TRAF3IP1: variants seen among roughly 807,000 people sequenced by gnomAD.
TRAF3IP1 encodes the protein TRAF3-interacting protein 1.
A neutral mutation model predicts 89.9 loss-of-function variants in TRAF3IP1; 53 were observed. That is an observed-to-expected ratio of 0.59 (90% confidence interval 0.47 to 0.74). TRAF3IP1 has a LOEUF of 0.74. Among genes scored for constraint, TRAF3IP1 ranks in the 30% least tolerant of loss-of-function variants. TRAF3IP1 has a pLI of 0.00. For missense variants in TRAF3IP1, 806 were observed against 866.1 expected (o/e 0.93, Z 0.87); for synonymous variants, 311 against 322.1 (o/e 0.97, Z 0.37).
chr2:238,333,593 A>T (rs1421476617), intron 6 of TRAF3IP1, among the ~76,000 whole-genome samples: 1 of 152,210 alleles, frequency 6.6e-6, no homozygotes, highest in African/African-American at 2.4e-5. Context: ...AAATATATGT[A>T]AATTTTTACC....
At chr2:238,348,915 T>C (rs1699020850) in intron 11 of TRAF3IP1, 67 bp downstream of exon 11, 1 of 1,348,774 alleles carries the variant, frequency 7.4e-7, no homozygotes, top group Non-Finnish European at 1.1e-6. Context: ...TGTGCTTCTC[T>C]TTCTGGCTGC....
chr2:238,320,768 C>T lies in TRAF3IP1; in HGVS notation c.106C>T (p.His36Tyr). The T allele has an allele frequency of 7.0e-7, 1 of 1,427,734 alleles. No homozygotes were observed. Among genetic ancestry groups the T allele is most frequent in the Non-Finnish European group, 9.3e-7 (1 of 1,076,888 alleles). The allele number at this position is 1,427,734 out of a possible 1,614,324, so 88.4% of individuals were successfully genotyped here. ...GAGCAAGCCCCCGTTCCGCTACCTG[C>T]ACGACATCATCACGGAGGTGGGCGC... Reference protein sequence around the residue: ...LLSKPPFRYLHDIITEVIRMT... With the variant: ...LLSKPPFRYLYDIITEVIRMT... Residue 36 changes from histidine to tyrosine, a missense_variant, in exon 1 of 17, where the codon CAC becomes TAC. His to Tyr is a moderately conservative substitution (Grantham distance 83). Transcript: ENST00000373327.
intron 8 of TRAF3IP1, among the ~76,000 whole-genome samples, chr2:238,341,152 C>T (rs546823513): frequency 2.5e-4 from 38 of 151,838 alleles, no homozygotes; most frequent in African/African-American, 9.2e-4. Context: ...TCTTGACTAG[C>T]TAGGACTACA....
chr2:238,347,276 A>G (rs1698937046), intron 9 of TRAF3IP1, 179 bp from the exon 10 acceptor site: 12 of 624,648 alleles, frequency 1.9e-5, no homozygotes, highest in Middle Eastern at 3.5e-4. Flanking sequence ...TCTATCTTTG[A>G]AAATAAAACA....
intron 14 of TRAF3IP1, 120 bp from the exon 15 acceptor site, chr2:238,355,884 T>A: frequency 1.4e-6 from 1 of 720,412 alleles, no homozygotes. Context: ...TTTGAAACTG[T>A]TTCAGCATAA....
At chr2:238,382,571 T>C (rs79404442) in intron 15 of TRAF3IP1, among the ~76,000 whole-genome samples, 1 of 151,822 alleles carries the variant, frequency 6.6e-6, no homozygotes, top group South Asian at 2.1e-4. Flanking sequence ...ATGAGGGACA[T>C]GTGGATGTCT....
intron 15 of TRAF3IP1, among the ~76,000 whole-genome samples, chr2:238,391,095 C>T (rs1249014791): frequency 6.6e-6 from 1 of 152,178 alleles, no homozygotes. Flanking sequence ...GCTGGGACTA[C>T]AGGTGTGCAC....
chr2:238,341,807 G>C (rs1328848040), intron 8 of TRAF3IP1, among the ~76,000 whole-genome samples: 1 of 152,108 alleles, frequency 6.6e-6, no homozygotes, highest in Admixed American at 6.5e-5. Flanking sequence ...AAGGCTGAGG[G>C]ACCTGACCAA....
At chr2:238,325,659 A>T in intron 2 of TRAF3IP1, 150 bp from the exon 3 acceptor site, 1 of 827,000 alleles carries the variant, frequency 1.2e-6, no homozygotes, top group Non-Finnish European at 1.9e-6. Flanking sequence ...TTGTTTTGTC[A>T]GTAAAAGGTC....
At chr2:238,355,627 G>T (rs1305163180) in intron 14 of TRAF3IP1, among the ~76,000 whole-genome samples, 1 of 152,222 alleles carries the variant, frequency 6.6e-6, no homozygotes, top group Non-Finnish European at 1.5e-5. Flanking sequence ...GAATAGTCTT[G>T]CCCCAGTGTA....
intron 15 of TRAF3IP1, among the ~76,000 whole-genome samples, chr2:238,391,131 T>A (rs2106377747): frequency 6.6e-6 from 1 of 152,136 alleles, no homozygotes; most frequent in South Asian, 2.1e-4. Flanking sequence ...ATTTTTGTAT[T>A]TTTTTTGTAG....
intron 15 of TRAF3IP1, among the ~76,000 whole-genome samples, chr2:238,374,493 A>G (rs895606472): frequency 1.3e-5 from 2 of 152,120 alleles, no homozygotes; most frequent in African/African-American, 4.8e-5. Context: ...ACCATGGTGG[A>G]TAAGCTTTTT....
chr2:238,378,371 G>A (rs1700407141), intron 15 of TRAF3IP1, among the ~76,000 whole-genome samples: 1 of 152,208 alleles, frequency 6.6e-6, no homozygotes, highest in Non-Finnish European at 1.5e-5. Context: ...CCTGCCATGT[G>A]CTAGGCACTG....
chr2:238,371,181 AC>A (rs1221890655), intron 15 of TRAF3IP1, among the ~76,000 whole-genome samples: 4 of 152,162 alleles, frequency 2.6e-5, no homozygotes, highest in Non-Finnish European at 4.4e-5. Flanking sequence ...GTGAAGCTTG[AC>A]CTTCTATGAG....
At chr2:238,366,262 A>G (rs939771645) in intron 15 of TRAF3IP1, among the ~76,000 whole-genome samples, 7 of 152,234 alleles carry the variant, frequency 4.6e-5, no homozygotes, top group Admixed American at 1.3e-4. Flanking sequence ...GGCACCAGCT[A>G]TATCATTTAA....
At chr2:238,357,835 G>A (rs557643934) in intron 15 of TRAF3IP1, among the ~76,000 whole-genome samples, 1 of 152,224 alleles carries the variant, frequency 6.6e-6, no homozygotes, top group African/African-American at 2.4e-5. Context: ...TGATTTTTAC[G>A]CAAAGCATAT....
rs1700466121 is a variant in TRAF3IP1, at chr2:238,379,693, G to A, written c.1690-17766G>A. Among the ~76,000 whole-genome samples, 1 of 152,204 alleles carries A rather than the reference G, an allele frequency of 6.6e-6. No homozygotes were observed. Among genetic ancestry groups the A allele is most frequent in the South Asian group, 2.1e-4 (1 of 4,826 alleles). On this transcript the variant is annotated intron_variant, in intron 15 of 16. Transcript: ENST00000373327. This position sits in a 1 kb window ranked among gnomAD's most constrained non-coding sequence, Gnocchi z 4.0. ...ACATGCCAGCCATTCAGTTCAGTGG[G>A]TCTCTTGTTGCCCAGTAACTACCTT...
At chr2:238,373,261 G>T (rs1335187442) in intron 15 of TRAF3IP1, among the ~76,000 whole-genome samples, 2 of 152,066 alleles carry the variant, frequency 1.3e-5, no homozygotes, top group Non-Finnish European at 2.9e-5. Context: ...TTTTTATGGT[G>T]TTAGGTCTAA....
chr2:238,359,632 A>T lies in TRAF3IP1; in HGVS notation c.1689+3552A>T, dbSNP rs183607882. Among the ~76,000 whole-genome samples the T allele has an allele frequency of 2.0e-5, 3 of 152,294 alleles. No individual in the cohort carries two copies. In the East Asian group the frequency reaches 5.8e-4, roughly 29 times the overall value. On this transcript the variant is annotated intron_variant, in intron 15 of 16. Coordinates refer to ENST00000373327, the MANE Select transcript of TRAF3IP1 (RefSeq NM_015650.4). ...GTGTTCATCCATGTATCAGTTGATG[A>T]ACATTTGAGTTGCTTCTAGTTTGGA...
Sources: gnomAD v4.1 joint callset for allele counts (sites outside exome capture counted in the v4.1 genomes callset) on GRCh38, gnomAD v4.1.1 for gene constraint, Gnocchi (gnomAD v3.1) non-coding constraint, MANE v1.5 for transcripts, NCBI Gene and HGNC (gene_info 2026-07-23, HGNC 2026-07-21) for gene names.